The following GNAQ variants were observed in gnomAD, a reference collection of about 807,000 sequenced individuals.
The protein encoded by GNAQ is G protein subunit alpha q.
GNAQ carries 8 observed loss-of-function variants against 43.9 expected under a neutral mutation model. The ratio of observed to expected loss-of-function variants is 0.18; its 90% confidence interval spans 0.11 to 0.33. The LOEUF (loss-of-function observed/expected upper bound fraction) is 0.33. Ranked by LOEUF, GNAQ falls within the 10% of genes least tolerant of loss-of-function variation. The probability of loss-of-function intolerance (pLI) is 1.00; values close to 1 mark genes in which losing one functional copy is unlikely to be tolerated. For missense variants in GNAQ, 158 were observed against 450.8 expected (o/e 0.35, Z 5.88); for synonymous variants, 155 against 170.7 (o/e 0.91, Z 0.71).
At chr9:77,748,316 G>C (rs1825761325) in intron 5 of GNAQ, among the ~76,000 whole-genome samples, 1 of 152,210 alleles carries the variant, frequency 6.6e-6, no homozygotes, top group African/African-American at 2.4e-5. Flanking sequence ...TCTAGGCAAT[G>C]AAAGTAGAGT....
rs1826629955 is a variant in GNAQ, at chr9:77,794,596, C to A, written c.606-4G>T. ...TTGGCCCCCTACATCGACCATTCTGCAAGGTTAACAATACTCATATTAATA... is the reference window on the plus strand; with the variant it reads ...TTGGCCCCCTACATCGACCATTCTGAAAGGTTAACAATACTCATATTAATA... On this transcript the variant is annotated splice_polypyrimidine_tract_variant and splice_region_variant and intron_variant, in intron 4 of 6. Transcript: ENST00000286548. 6.3e-7 allele frequency: 1 copy of A among 1,582,224 alleles called. No homozygotes were observed. Among genetic ancestry groups the A allele is most frequent in the African/African-American group, 1.3e-5 (1 of 74,132 alleles).
intron 1 of GNAQ, among the ~76,000 whole-genome samples, chr9:77,997,534 G>C (rs929349475): frequency 6.6e-6 from 1 of 152,198 alleles, no homozygotes. Context: ...ACAGGTGCAA[G>C]TAAAGTCAGG....
chr9:77,912,649 G>A (rs931371749), intron 2 of GNAQ, among the ~76,000 whole-genome samples: 1 of 152,128 alleles, frequency 6.6e-6, no homozygotes, highest in South Asian at 2.1e-4. Context: ...CAACAAAGAT[G>A]TATGTCCTTA....
chr9:78,014,199 G>C (rs1372449657), intron 1 of GNAQ, among the ~76,000 whole-genome samples: 1 of 152,086 alleles, frequency 6.6e-6, no homozygotes, highest in Non-Finnish European at 1.5e-5. Context: ...GTAGCTGCAA[G>C]AAATCAAGAA....
chr9:77,787,491 C>T (rs145471887), intron 5 of GNAQ, among the ~76,000 whole-genome samples: 1 of 152,196 alleles, frequency 6.6e-6, no homozygotes, highest in East Asian at 1.9e-4. Context: ...ATGAACTTAC[C>T]ATTCAATAAA....
At chr9:78,022,267 C>T (rs186957932) in intron 1 of GNAQ, among the ~76,000 whole-genome samples, 51 of 152,106 alleles carry the variant, frequency 3.4e-4, no homozygotes, top group Admixed American at 7.9e-4. Flanking sequence ...AGAAAGTGGC[C>T]GAGACGCCAA....
chr9:77,960,075 G>C (rs1055490193), intron 1 of GNAQ, among the ~76,000 whole-genome samples: 6 of 152,050 alleles, frequency 3.9e-5, no homozygotes, highest in African/African-American at 1.5e-4. Flanking sequence ...TTAACCAAGA[G>C]AATGGGTATA....
At chr9:77,790,503 A>C (rs1826550863) in intron 5 of GNAQ, among the ~76,000 whole-genome samples, 1 of 152,238 alleles carries the variant, frequency 6.6e-6, no homozygotes, top group African/African-American at 2.4e-5. Context: ...TAATTGTTTA[A>C]AGATAGTTCA....
At chr9:77,998,265 G>A (rs1010868080) in intron 1 of GNAQ, among the ~76,000 whole-genome samples, 10 of 152,132 alleles carry the variant, frequency 6.6e-5, no homozygotes, top group African/African-American at 2.2e-4. Context: ...ATAGGGCAAC[G>A]GCACCTCTCA....
At chr9:78,026,430 G>C (rs1823981100) in intron 1 of GNAQ, among the ~76,000 whole-genome samples, 1 of 152,150 alleles carries the variant, frequency 6.6e-6, no homozygotes, top group African/African-American at 2.4e-5. Context: ...CAACAAAAAA[G>C]GGAACTGTAT....
At chr9:77,909,661 T>G (rs1241148970) in intron 2 of GNAQ, among the ~76,000 whole-genome samples, 1 of 151,792 alleles carries the variant, frequency 6.6e-6, no homozygotes, top group Admixed American at 6.6e-5. Flanking sequence ...ACATTTCAGT[T>G]TTAACAAATA....
chr9:77,998,633 A>C (rs1166587185), intron 1 of GNAQ, among the ~76,000 whole-genome samples: 2 of 152,220 alleles, frequency 1.3e-5, no homozygotes, highest in African/African-American at 4.8e-5. Flanking sequence ...CCATTGCTTC[A>C]ATATCTATGA....
intron 5 of GNAQ, among the ~76,000 whole-genome samples, chr9:77,745,599 C>G (rs62571042): frequency 3.3e-5 from 3 of 89,642 alleles, no homozygotes; most frequent in Admixed American, 1.4e-4. Context: ...TTCAGCAGGT[C>G]ATGCACACAC....
intron 5 of GNAQ, among the ~76,000 whole-genome samples, chr9:77,777,561 GAATAT>G (rs565548214): frequency 2.0e-5 from 3 of 151,950 alleles, no homozygotes; most frequent in Non-Finnish European, 4.4e-5. Context: ...AATCCCTACA[GAATAT>G]AATGTATTTG....
intron 5 of GNAQ, among the ~76,000 whole-genome samples, chr9:77,786,537 C>T (rs1343034913): frequency 6.6e-6 from 1 of 152,128 alleles, no homozygotes; most frequent in African/African-American, 2.4e-5. Flanking sequence ...CTGGAAGCAG[C>T]AGCTGAGAGG....
intron 1 of GNAQ, among the ~76,000 whole-genome samples, chr9:78,012,384 C>T (rs1251771282): frequency 3.3e-5 from 5 of 151,878 alleles, no homozygotes; most frequent in Non-Finnish European, 5.9e-5. Context: ...ATTACAGGTG[C>T]GCGCCATACA....
chr9:77,741,002 CTTTG>C (rs1230585653), intron 5 of GNAQ, among the ~76,000 whole-genome samples: 1 of 152,188 alleles, frequency 6.6e-6, no homozygotes, highest in Non-Finnish European at 1.5e-5. Flanking sequence ...TCCAATAAAA[CTTTG>C]TTTGGATGCT....
At chr9:77,830,157 T>C (rs1827274320) in intron 2 of GNAQ, among the ~76,000 whole-genome samples, 1 of 152,230 alleles carries the variant, frequency 6.6e-6, no homozygotes, top group African/African-American at 2.4e-5. Flanking sequence ...TCTCCCTAGA[T>C]TCCCAGGCTG....
rs1196081380 is a variant in GNAQ, at chr9:77,719,400, C to CTGTT, written c.*1919_*1922dup. 1 of 232,436 alleles carries CTGTT rather than the reference C, an allele frequency of 4.3e-6. No homozygotes were observed. Among genetic ancestry groups the CTGTT allele is most frequent in the South Asian group, 1.8e-4 (1 of 5,524 alleles). 14.4% of individuals were successfully genotyped at this position (232,436 alleles called of 1,614,324 possible). On this transcript the variant is annotated 3_prime_UTR_variant, in exon 7 of 7. Transcript: ENST00000286548. ...TAATTGCACTATACCTACAGGCAGT[C>CTGTT]TGTTTGTTAAATTACAGGTACTTTC...
Sources: gnomAD v4.1 joint callset for allele counts (sites outside exome capture counted in the v4.1 genomes callset) on GRCh38, gnomAD v4.1.1 for gene constraint, MANE v1.5 for transcripts, NCBI Gene and HGNC (gene_info 2026-07-23, HGNC 2026-07-21) for gene names.